PARVB: variants seen among roughly 807,000 people sequenced by gnomAD.
PARVB encodes the protein beta-parvin.
PARVB carries 46 observed loss-of-function variants against 47.0 expected under a neutral mutation model. The ratio of observed to expected loss-of-function variants is 0.98; its 90% CI spans 0.77 to 1.25. The LOEUF (loss-of-function observed/expected upper bound fraction) is 1.25. Ranked by LOEUF, PARVB falls within the 50% of genes most tolerant of loss-of-function variation. The probability of loss-of-function intolerance (pLI) is 0.00; values close to 1 mark genes in which losing one functional copy is unlikely to be tolerated. For synonymous variants in PARVB, 196 were observed against 196.3 expected, an observed-to-expected ratio of 1.00 and a Z score of 0.01; for missense variants, 473 against 471.6, an observed-to-expected ratio of 1.00 and a Z score of -0.03.
intron 12 of PARVB, chr22:44,168,221 G>T (rs138083173): frequency 3.8e-4 from 72 of 187,792 alleles, no homozygotes; most frequent in African/African-American, 1.6e-3. Context: ...GACTTCCAGG[G>T]CCCCAGAGGG....
chr22:44,026,644 C>T (rs985531283), intron 1 of PARVB, among the ~76,000 whole-genome samples: 1 of 152,184 alleles, frequency 6.6e-6, no homozygotes, highest in Non-Finnish European at 1.5e-5. Context: ...CAGCCCCTGG[C>T]CCTGACTTTG....
In PARVB at chr22:44,132,849, G is replaced by A. The variant is rs777732615; in HGVS notation, c.518-45G>A. On this transcript the variant is annotated intron_variant, in intron 5 of 12. Transcript: ENST00000338758. ...CTTCTGCACGTGGGCTCAGGTTCCT[G>A]TGTAACCTGATCTAAAGCGTCTCCC... 9 of 1,349,756 alleles carry A rather than the reference G, an allele frequency of 6.7e-6. No individual in the cohort carries two copies. The East Asian group carries it at 1.8e-4, about 28-fold the overall frequency. The allele number at this position is 1,349,756 out of a possible 1,614,324, so 83.6% of individuals were successfully genotyped here. A position where few individuals can be genotyped will look rare whatever the true frequency, so the allele number is the denominator to read the frequency against.
intron 1 of PARVB, among the ~76,000 whole-genome samples, chr22:44,052,287 G>A (rs1217984205): frequency 2.6e-5 from 4 of 152,132 alleles, no homozygotes; most frequent in African/African-American, 9.7e-5. Flanking sequence ...ACCCTGAGAG[G>A]CGGTGTGAAT....
chr22:44,024,315 C>A lies in PARVB; in HGVS notation c.-25C>A, dbSNP rs1603424127. On this transcript the variant is annotated 5_prime_UTR_variant, in exon 1 of 13. Coordinates refer to ENST00000338758, the MANE Select transcript of PARVB (RefSeq NM_013327.5). ...CCGGGCGGCTCCACACGCGCTGCGC[C>A]CGCCGCCGGCCCCACGCGCGGCCCA... 3.9e-6 allele frequency: 4 copies of A among 1,014,826 alleles called. No homozygotes were observed. The highest frequency in any genetic ancestry group is 1.7e-5 in the African/African-American group (1 of 57,538). 62.9% of individuals were successfully genotyped at this position (1,014,826 alleles called of 1,614,324 possible).
intron 2 of PARVB, among the ~76,000 whole-genome samples, chr22:44,002,547 G>A (rs1055423190): frequency 7.9e-5 from 12 of 152,114 alleles, no homozygotes; most frequent in Non-Finnish European, 1.2e-4. Context: ...AGGCGGGTGC[G>A]TGGTCTCTGC....
At chr22:44,060,674 A>G (rs920282524) in intron 1 of PARVB, among the ~76,000 whole-genome samples, 4 of 152,064 alleles carry the variant, frequency 2.6e-5, no homozygotes, top group African/African-American at 9.7e-5. Context: ...GAGAGGTCTC[A>G]TAGTTTGATG....
intron 2 of PARVB, among the ~76,000 whole-genome samples, chr22:44,099,150 A>C (rs1601598396): frequency 6.6e-6 from 1 of 151,966 alleles, no homozygotes; most frequent in African/African-American, 2.4e-5. Flanking sequence ...TTTAAGAGAG[A>C]GGTGTGGTAT....
intron 1 of PARVB, among the ~76,000 whole-genome samples, chr22:44,077,709 G>A (rs756039368): frequency 1.3e-5 from 2 of 152,112 alleles, no homozygotes; most frequent in East Asian, 3.9e-4. Context: ...TTAAACCTTA[G>A]CAATGATATT....
intron 1 of PARVB, among the ~76,000 whole-genome samples, chr22:44,090,559 A>C (rs2052141689): frequency 6.6e-6 from 1 of 152,140 alleles, no homozygotes; most frequent in Admixed American, 6.5e-5. Flanking sequence ...GTGTTTTTGA[A>C]ATCAGGTGAG....
intron 8 of PARVB, 34 bp downstream of exon 8, chr22:44,140,177 G>A: frequency 6.2e-7 from 1 of 1,608,500 alleles, no homozygotes; most frequent in Non-Finnish European, 8.5e-7. Context: ...GGAGATGGAG[G>A]CATGTTAGGG....
chr22:44,024,477 C>T (rs1603424166), intron 1 of PARVB, 26 bp downstream of exon 1: 3 of 1,114,910 alleles, frequency 2.7e-6, no homozygotes, highest in African/African-American at 1.7e-5. Flanking sequence ...CGCCCGCCGA[C>T]CCCCGGGGAC....
chr22:44,157,826 C>T (rs979290492), intron 10 of PARVB, among the ~76,000 whole-genome samples, 156 bp from the exon 11 acceptor site: 9 of 152,038 alleles, frequency 5.9e-5, no homozygotes, highest in African/African-American at 2.2e-4. Flanking sequence ...CCTGGGAGGC[C>T]GAGCTGCAGT....
At chr22:44,054,484 CAG>C (rs1569079187) in intron 1 of PARVB, among the ~76,000 whole-genome samples, 1 of 151,822 alleles carries the variant, frequency 6.6e-6, no homozygotes, top group East Asian at 1.9e-4. Context: ...CCAAAGTGCT[CAG>C]ATTACAGCAT....
chr22:44,092,617 A>C (rs59542314), intron 1 of PARVB, among the ~76,000 whole-genome samples: 2,955 of 152,228 alleles, frequency 0.019, 85 homozygotes, highest in African/African-American at 0.068. Flanking sequence ...AGAGCCCATC[A>C]TGTGCCATGC....
rs1165908442 is a variant in PARVB at position 44,170,016 on chromosome 22, T to G, written c.*1338T>G. On this transcript the variant is annotated 3_prime_UTR_variant, in exon 13 of 13. Transcript: ENST00000338758. ...ACTGTGCCCAGCCTATTTTTTTTTT[T>G]TTTTTTGAGACAAGTTCTCACTGTG... 6.7e-6 allele frequency: 1 copy of G among 148,582 alleles called. No homozygotes were observed. Among genetic ancestry groups the G allele is most frequent in the Non-Finnish European group, 1.5e-5 (1 of 67,948 alleles). The allele number at this position is 148,582 out of a possible 1,614,324, so 9.2% of individuals were successfully genotyped here.
intron 3 of PARVB, chr22:44,104,320 A>G (rs557806655): frequency 1.3e-5 from 2 of 152,312 alleles, no homozygotes; most frequent in East Asian, 3.9e-4. Context: ...ATCATTTTCC[A>G]AAATAAGCAT....
chr22:44,043,807 C>T (rs1040196681), intron 1 of PARVB, among the ~76,000 whole-genome samples: 6 of 152,156 alleles, frequency 3.9e-5, no homozygotes, highest in Admixed American at 1.3e-4. Flanking sequence ...AGTTGGTATT[C>T]GTTGCATGTT....
rs1194536815 is a variant in PARVB at position 44,155,170 on chromosome 22, C to T, written c.844-2812C>T. Among the ~76,000 whole-genome samples the T allele has an allele frequency of 6.6e-6, 1 of 152,114 alleles. No homozygotes were observed. The highest frequency in any genetic ancestry group is 1.5e-5 in the Non-Finnish European group (1 of 68,028). Reference sequence around the variant, plus strand: ...CCAGCTCTGTGATGGTGAGTGAACTCCTCAGCCTCCCTGAGCTTCTGTCCA... The same window carrying T: ...CCAGCTCTGTGATGGTGAGTGAACTTCTCAGCCTCCCTGAGCTTCTGTCCA... On this transcript the variant is annotated intron_variant, in intron 10 of 12. Transcript: ENST00000338758. The surrounding 1 kb of genome is among the most constrained non-coding windows in gnomAD (Gnocchi z 4.8).
At chr22:44,025,046 C>T (rs2050706868) in intron 1 of PARVB, among the ~76,000 whole-genome samples, 1 of 152,108 alleles carries the variant, frequency 6.6e-6, no homozygotes, top group Non-Finnish European at 1.5e-5. Context: ...GTTAGAGTTG[C>T]AAGGGATAGT....
Sources: gnomAD v4.1 joint callset for allele counts (sites outside exome capture counted in the v4.1 genomes callset) on GRCh38, gnomAD v4.1.1 for gene constraint, Gnocchi (gnomAD v3.1) non-coding constraint, MANE v1.5 for transcripts, NCBI Gene and HGNC (gene_info 2026-07-23, HGNC 2026-07-21) for gene names.